PIR: variants seen among roughly 807,000 people sequenced by gnomAD.
PIR encodes the protein pirin (iron-binding nuclear protein).
A neutral mutation model predicts 24.2 loss-of-function variants in PIR; 22 were observed. That is an observed-to-expected ratio of 0.91 (90% confidence interval 0.65 to 1.30). PIR has a LOEUF of 1.30. Among genes scored for constraint, PIR ranks in the 50% most tolerant of loss-of-function variants. The pLI, the probability that PIR is intolerant of heterozygous loss-of-function variation, is 0.00. For synonymous variants in PIR, 80 were observed against 79.6 expected, an observed-to-expected ratio of 1.00 and a Z score of -0.03; for missense variants, 220 against 220.3, an observed-to-expected ratio of 1.00 and a Z score of 0.01.
At chrX:15,453,552 G>C (rs1248685316) in intron 5 of PIR, among the ~76,000 whole-genome samples, 1 of 112,010 alleles carries the variant, frequency 8.9e-6, no homozygotes, top group Non-Finnish European at 1.9e-5. Flanking sequence ...GCTGCCCATG[G>C]TTCCAAGAAG....
At chrX:15,407,248 C>T (rs992646672) in intron 7 of PIR, among the ~76,000 whole-genome samples, 5 of 111,888 alleles carry the variant, frequency 4.5e-5, no homozygotes. Context: ...TATCAAAACA[C>T]ATAATGGTGC....
chrX:15,426,908 T>C (rs946041777), intron 5 of PIR, among the ~76,000 whole-genome samples: 13 of 111,816 alleles, frequency 1.2e-4, no homozygotes, highest in Non-Finnish European at 2.1e-4. Context: ...AACAGTCACC[T>C]AAAGACAGGC....
chrX:15,460,214 C>CCTATA (rs1447652545), intron 3 of PIR, among the ~76,000 whole-genome samples: 1 of 111,260 alleles, frequency 9.0e-6, no homozygotes, highest in African/African-American at 3.3e-5. Flanking sequence ...AAATAGAACT[C>CCTATA]CTATACAACA....
intron 3 of PIR, among the ~76,000 whole-genome samples, chrX:15,465,607 C>T (rs193031938): frequency 7.1e-5 from 8 of 112,258 alleles, no homozygotes; most frequent in Non-Finnish European, 1.1e-4. Flanking sequence ...AAGCACTTGA[C>T]GTGCTTCTTG....
intron 6 of PIR, among the ~76,000 whole-genome samples, chrX:15,415,219 T>C (rs1403598004): frequency 9.0e-6 from 1 of 111,693 alleles, no homozygotes; most frequent in African/African-American, 3.3e-5. Context: ...AGTTTCCTCA[T>C]CTGAAAAATG....
chrX:15,476,506 A>G (rs1186506124), intron 3 of PIR, among the ~76,000 whole-genome samples: 1 of 111,229 alleles, frequency 9.0e-6, no homozygotes, highest in Non-Finnish European at 1.9e-5. Flanking sequence ...TTTTGTATCT[A>G]TGCTTTGTAT....
At chrX:15,421,902 C>G (rs1925143812) in intron 6 of PIR, among the ~76,000 whole-genome samples, 1 of 111,572 alleles carries the variant, frequency 9.0e-6, no homozygotes, top group Admixed American at 9.5e-5. Context: ...CAACAAAATA[C>G]TAGCAAACTG....
Position 15,449,285 on chromosome X carries a change from C to T in PIR, c.480+6563G>A, listed in dbSNP as rs973943452. 5.4e-5 allele frequency among the ~76,000 whole-genome samples: 6 copies of T among 111,555 alleles called. No homozygotes were observed. The South Asian group carries it at 1.5e-3, about 28-fold the overall frequency. On this transcript the variant is annotated intron_variant, in intron 5 of 9. Coordinates refer to ENST00000380420, the MANE Select transcript of PIR (RefSeq NM_001018109.3). ...AAAATGCTCTGCTTCCTCCCTTGCC[C>T]GGTGTCAAAAAGAGACCAGGAAGCT...
intron 3 of PIR, among the ~76,000 whole-genome samples, chrX:15,474,338 G>A (rs1922087278): frequency 8.9e-6 from 1 of 111,963 alleles, no homozygotes; most frequent in South Asian, 3.7e-4. Context: ...TATTGTTACA[G>A]GCACATACTT....
At chrX:15,423,660 T>C (rs1925210799) in intron 6 of PIR, among the ~76,000 whole-genome samples, 1 of 108,196 alleles carries the variant, frequency 9.2e-6, no homozygotes, top group African/African-American at 3.4e-5. Context: ...TGGGAGAAAA[T>C]ATCTGCAAAC....
chrX:15,397,829 A>C (rs1924221789), intron 7 of PIR, among the ~76,000 whole-genome samples: 1 of 112,077 alleles, frequency 8.9e-6, no homozygotes, highest in African/African-American at 3.2e-5. Flanking sequence ...GTAAATTATA[A>C]AGTTTATAAG....
chrX:15,428,962 C>G (rs1925412225), intron 5 of PIR, among the ~76,000 whole-genome samples: 1 of 112,209 alleles, frequency 8.9e-6, no homozygotes, highest in African/African-American at 3.2e-5. Context: ...CCTCCACACT[C>G]TAATTTTTAA....
intron 9 of PIR, among the ~76,000 whole-genome samples, chrX:15,386,820 C>T (rs1923766926): frequency 9.0e-6 from 1 of 110,641 alleles, no homozygotes; most frequent in Non-Finnish European, 1.9e-5. Flanking sequence ...TGGATGCAAT[C>T]TACAGGAAGA....
chrX:15,488,732 G>C (rs1339010387), intron 2 of PIR, among the ~76,000 whole-genome samples: 1 of 111,276 alleles, frequency 9.0e-6, no homozygotes, highest in African/African-American at 3.3e-5. Flanking sequence ...TTTTCCTTAG[G>C]GTAGAGTCAT....
At chrX:15,418,625 A>T (rs1925006295) in intron 6 of PIR, among the ~76,000 whole-genome samples, 1 of 111,994 alleles carries the variant, frequency 8.9e-6, no homozygotes, top group African/African-American at 3.2e-5. Flanking sequence ...TGCATGAAAC[A>T]TCTGTTTTCT....
chrX:15,385,623 T>G (rs1333472206), intron 9 of PIR, among the ~76,000 whole-genome samples: 1 of 112,172 alleles, frequency 8.9e-6, no homozygotes, highest in Non-Finnish European at 1.9e-5. Context: ...TTATAAAAAT[T>G]TCAAGTCGAA....
intron 4 of PIR, among the ~76,000 whole-genome samples, chrX:15,457,098 G>A (rs5935980): frequency 0.23 from 25,712 of 111,200 alleles, 2,349 homozygotes; most frequent in East Asian, 0.51. Context: ...TTAATGAGAA[G>A]GTTATATCTG....
At chrX:15,488,001 C>T (rs764255575) in intron 2 of PIR, among the ~76,000 whole-genome samples, 5 of 111,400 alleles carry the variant, frequency 4.5e-5, no homozygotes, top group African/African-American at 1.6e-4. Flanking sequence ...ACCTCTTGGT[C>T]GGGTGCAGTG....
chrX:15,415,624 T>C (rs1924888491), intron 6 of PIR, among the ~76,000 whole-genome samples: 1 of 111,813 alleles, frequency 8.9e-6, no homozygotes, highest in Admixed American at 9.5e-5. Context: ...AGAGAGGGAA[T>C]ATAAAGTGTT....
Sources: allele counts gnomAD v4.1 joint callset (sites outside exome capture counted in the v4.1 genomes callset), GRCh38; gene constraint gnomAD v4.1.1; transcripts MANE v1.5; gene names NCBI Gene and HGNC (gene_info 2026-07-23, HGNC 2026-07-21).